The following CREBBP variants were observed in gnomAD, a reference collection of about 807,000 sequenced individuals.
CREBBP encodes CREB-binding protein.
In CREBBP, 19 loss-of-function variants were observed where a neutral mutation model predicts 265.0. The ratio of observed to expected loss-of-function variants is 0.07; its 90% CI spans 0.05 to 0.11. CREBBP has a LOEUF of 0.11. Among genes scored for constraint, CREBBP ranks in the 10% least tolerant of loss-of-function variants. CREBBP has a pLI of 1.00. For synonymous variants in CREBBP, 1,457 were observed against 1,223.7 expected (o/e 1.19, Z -3.98); for missense variants, 2,525 against 3,219.0 (o/e 0.78, Z 5.22).
intron 2 of CREBBP, among the ~76,000 whole-genome samples, chr16:3,849,450 T>TGTGTGTGTG (rs2054771083): frequency 1.0e-4 from 7 of 66,774 alleles, no homozygotes; most frequent in South Asian, 7.0e-4. Flanking sequence ...TGTGTGTGTG[T>TGTGTGTGTG]GTGTGTGTGT....
chr16:3,730,355 G>A (rs2051881365), intron 30 of CREBBP, among the ~76,000 whole-genome samples: 1 of 152,152 alleles, frequency 6.6e-6, no homozygotes, highest in Non-Finnish European at 1.5e-5. Flanking sequence ...AGGGAGGCCG[G>A]TCCCTCCCAA....
intron 21 of CREBBP, among the ~76,000 whole-genome samples, chr16:3,746,396 C>T (rs1283949686): frequency 1.3e-5 from 2 of 152,100 alleles, no homozygotes; most frequent in Non-Finnish European, 2.9e-5. Flanking sequence ...GTTCATGGTC[C>T]TATGGCACTC....
chr16:3,777,842 A>G, intron 10 of CREBBP, 169 bp downstream of exon 10: 2 of 1,071,174 alleles, frequency 1.9e-6, no homozygotes, highest in Non-Finnish European at 2.8e-6. Flanking sequence ...AGAGAAACTC[A>G]GTGTCCCAAC....
intron 3 of CREBBP, among the ~76,000 whole-genome samples, chr16:3,810,374 A>AT (rs1413370544): frequency 6.6e-6 from 1 of 152,304 alleles, no homozygotes; most frequent in Admixed American, 6.5e-5. Flanking sequence ...CATCAACAAA[A>AT]GGAGCCTGGG....
intron 16 of CREBBP, among the ~76,000 whole-genome samples, chr16:3,763,919 A>G (rs943453738): frequency 1.4e-5 from 2 of 141,162 alleles, no homozygotes; most frequent in African/African-American, 5.4e-5. Context: ...ATCTCGGCTC[A>G]CTGCAGCCTC....
At chr16:3,739,489 T>TCACAG in intron 25 of CREBBP, 89 bp downstream of exon 25, 1 of 1,518,714 alleles carries the variant, frequency 6.6e-7, no homozygotes, top group South Asian at 1.1e-5. Context: ...CTATGAAGGC[T>TCACAG]CACAGGCTCC....
intron 3 of CREBBP, among the ~76,000 whole-genome samples, chr16:3,805,165 C>T (rs2053803583): frequency 6.6e-6 from 1 of 152,208 alleles, no homozygotes; most frequent in Admixed American, 6.5e-5. Context: ...CATGTTTTCT[C>T]AGTGATCTTC....
In CREBBP at chr16:3,770,834, C is replaced by T. The variant is rs781112420; in HGVS notation, c.2616G>A (p.Thr872=). Reference sequence around the variant, plus strand: ...GGGGAGGAGTCATCCCAGGTGGTGTCGTGTGCTGGAGAGATGGCATGCCAG... The same window carrying T: ...GGGGAGGAGTCATCCCAGGTGGTGTTGTGTGCTGGAGAGATGGCATGCCAG... ...TAAGMPSLQH[T]TPPGMTPPQP... is the part of the protein sequence containing the mutation. The change falls in exon 14 of 31, where the codon ACG becomes ACA. Residue 872 remains threonine, a synonymous_variant. Coordinates refer to ENST00000262367, the MANE Select transcript of CREBBP (RefSeq NM_004380.3). The T allele has an allele frequency of 6.9e-5, 111 of 1,613,642 alleles. 1 individual carries two copies. In the Admixed American group the frequency reaches 1.5e-3, roughly 21 times the overall value.
intron 28 of CREBBP, 152 bp downstream of exon 28, chr16:3,735,884 C>G (rs2052044134): frequency 8.2e-6 from 10 of 1,220,302 alleles, no homozygotes; most frequent in Non-Finnish European, 1.1e-5. Context: ...TGCTGCCCAC[C>G]AACGCCCTGT....
chr16:3,753,558 T>TC (rs1407892578), intron 19 of CREBBP, among the ~76,000 whole-genome samples: 1 of 151,290 alleles, frequency 6.6e-6, no homozygotes, highest in East Asian at 1.9e-4. Flanking sequence ...AAATATGTAT[T>TC]TTTTTTTTCC....
chr16:3,739,449 GTTAA>G, intron 25 of CREBBP, 125 bp downstream of exon 25: 13 of 1,084,794 alleles, frequency 1.2e-5, no homozygotes, highest in Non-Finnish European at 1.8e-5. Context: ...ACTTTGGTTA[GTTAA>G]TTGTGGTTTC....
intron 2 of CREBBP, among the ~76,000 whole-genome samples, chr16:3,830,326 TG>T (rs982680844): frequency 6.6e-6 from 1 of 151,388 alleles, no homozygotes; most frequent in Non-Finnish European, 1.5e-5. Context: ...TCACCCGGGG[TG>T]GGGGGCAGAG....
chr16:3,821,133 T>A (rs977094990), intron 2 of CREBBP, among the ~76,000 whole-genome samples: 1 of 152,242 alleles, frequency 6.6e-6, no homozygotes, highest in South Asian at 2.1e-4. Flanking sequence ...GTTTTCCTTA[T>A]CTATAAAATA....
chr16:3,755,334 C>T (rs1001266444), intron 19 of CREBBP, among the ~76,000 whole-genome samples: 3 of 152,204 alleles, frequency 2.0e-5, no homozygotes, highest in South Asian at 2.1e-4. Flanking sequence ...ACAGGCCCCA[C>T]AACACTTTAG....
intron 3 of CREBBP, among the ~76,000 whole-genome samples, chr16:3,801,227 G>A (rs997559369): frequency 1.3e-5 from 2 of 152,200 alleles, no homozygotes; most frequent in African/African-American, 4.8e-5. Context: ...GCATTATAAA[G>A]TGTTCTAAGA....
chr16:3,766,172 CAATGGATTCT>C lies in CREBBP; in HGVS notation c.3250+1538_3250+1547del, dbSNP rs373218458. Among the ~76,000 whole-genome samples, 280 of 152,190 alleles carry C rather than the reference CAATGGATTCT, an allele frequency of 1.8e-3. 1 individual carries two copies. The highest frequency in any genetic ancestry group is 6.6e-3 in the African/African-American group (276 of 41,512). On this transcript the variant is annotated intron_variant, in intron 16 of 30. Transcript: ENST00000262367. The stretch of plus-strand genomic sequence containing the variant: ...GATCCATTCCAAGTACAAGATGGAT[CAATGGATTCT>C]AATGTCACAGACTATGAAAAATCCA...
chr16:3,829,006 G>C (rs1567344460), intron 2 of CREBBP, among the ~76,000 whole-genome samples: 1 of 150,660 alleles, frequency 6.6e-6, no homozygotes, highest in African/African-American at 2.4e-5. Context: ...CTCATACCTG[G>C]ATCACACTGA....
intron 3 of CREBBP, among the ~76,000 whole-genome samples, chr16:3,807,264 G>A (rs2053849189): frequency 6.6e-6 from 1 of 152,156 alleles, no homozygotes. Flanking sequence ...AGAGCTCCCT[G>A]GCCCAAGACC....
At chr16:3,858,247 G>C (rs1046413352) in intron 1 of CREBBP, among the ~76,000 whole-genome samples, 2 of 152,152 alleles carry the variant, frequency 1.3e-5, no homozygotes, top group Non-Finnish European at 2.9e-5. Context: ...AATAACATTT[G>C]AAAACAGCCT....
Sources: allele counts gnomAD v4.1 joint callset (sites outside exome capture counted in the v4.1 genomes callset), GRCh38; gene constraint gnomAD v4.1.1; transcripts MANE v1.5; gene names NCBI Gene and HGNC (gene_info 2026-07-23, HGNC 2026-07-21).